SNX13: variants seen among roughly 807,000 people sequenced by gnomAD.
SNX13 encodes sorting nexin-13.
SNX13 carries 45 observed loss-of-function variants against 133.6 expected under a neutral mutation model. The observed-to-expected ratio is 0.34, with a 90% CI of 0.27 to 0.43. The LOEUF is 0.43. Ranked by LOEUF, SNX13 falls within the 20% of genes least tolerant of loss-of-function variation. SNX13 has a pLI of 1.00. For missense variants in SNX13, 1,032 were observed against 1,145.1 expected (o/e 0.90, Z 1.43); for synonymous variants, 414 against 373.9 (o/e 1.11, Z -1.24).
chr7:17,900,082 T>C (rs1231598833), intron 1 of SNX13: 1 of 152,222 alleles, frequency 6.6e-6, no homozygotes, highest in Non-Finnish European at 1.5e-5. Context: ...TGGTATTGCC[T>C]TTATGGTCCT....
chr7:17,912,207 G>A (rs1278942002), intron 1 of SNX13, among the ~76,000 whole-genome samples: 1 of 152,174 alleles, frequency 6.6e-6, no homozygotes, highest in African/African-American at 2.4e-5. Flanking sequence ...AGAAAAGTAA[G>A]TGAAGCTCCA....
intron 9 of SNX13, among the ~76,000 whole-genome samples, chr7:17,854,352 T>C (rs1791623437): frequency 6.6e-6 from 1 of 152,176 alleles, no homozygotes; most frequent in Admixed American, 6.5e-5. Context: ...ACCACTAAAA[T>C]AATAATGGTT....
chr7:17,803,605 C>A, intron 20 of SNX13, 25 bp from the exon 21 acceptor site: 2 of 1,575,934 alleles, frequency 1.3e-6, no homozygotes, highest in South Asian at 2.4e-5. Context: ...GATATTATAC[C>A]ATGACTTTAT....
chr7:17,796,665 G>A lies in SNX13; in HGVS notation c.2626+162C>T, dbSNP rs115601835. Reference sequence around the variant, plus strand: ...GCTTTACAGTACTGTCATGAGGACTGATTAAGAACATATGAGAAATGCCTA... The same window carrying A: ...GCTTTACAGTACTGTCATGAGGACTAATTAAGAACATATGAGAAATGCCTA... On this transcript the variant is annotated intron_variant, in intron 25 of 25. Transcript: ENST00000428135. The A allele has an allele frequency of 2.2e-3, 1,324 of 606,180 alleles. 16 individuals carry two copies. Among genetic ancestry groups the A allele is most frequent in the African/African-American group, 0.021 (1,124 of 53,980 alleles). The allele number at this position is 606,180 out of a possible 1,614,324, so 37.6% of individuals were successfully genotyped here.
At chr7:17,824,134 C>T (rs774073274) in intron 17 of SNX13, among the ~76,000 whole-genome samples, 3 of 151,982 alleles carry the variant, frequency 2.0e-5, no homozygotes, top group Non-Finnish European at 2.9e-5. Flanking sequence ...CAATGTTACT[C>T]ATAGCAGGCG....
intron 5 of SNX13, chr7:17,888,752 T>C (rs1335060871): frequency 8.5e-6 from 4 of 470,534 alleles, no homozygotes; most frequent in African/African-American, 2.0e-5. Context: ...CCCAAAATAT[T>C]AGTTGAATAA....
chr7:17,817,605 G>GT, intron 18 of SNX13, among the ~76,000 whole-genome samples: 1 of 152,244 alleles, frequency 6.6e-6, no homozygotes. Context: ...GGTAAAAGCA[G>GT]TTTTTTACTC....
At chr7:17,822,185 C>A (rs1456136046) in intron 17 of SNX13, among the ~76,000 whole-genome samples, 1 of 151,764 alleles carries the variant, frequency 6.6e-6, no homozygotes, top group Admixed American at 6.6e-5. Flanking sequence ...TTCACAAGTG[C>A]GGTTTATTCT....
At chr7:17,849,751 G>A (rs1043313867) in intron 11 of SNX13, among the ~76,000 whole-genome samples, 1 of 152,106 alleles carries the variant, frequency 6.6e-6, no homozygotes, top group Non-Finnish European at 1.5e-5. Context: ...TCTCATGACT[G>A]CCTCTAAGAT....
intron 10 of SNX13, among the ~76,000 whole-genome samples, 162 bp downstream of exon 10, chr7:17,850,664 T>C (rs1791096117): frequency 6.6e-6 from 1 of 152,216 alleles, no homozygotes; most frequent in South Asian, 2.1e-4. Context: ...ATTCTGAAAA[T>C]AATGCTTTTA....
intron 9 of SNX13, among the ~76,000 whole-genome samples, chr7:17,865,333 T>C (rs924916943): frequency 2.0e-5 from 3 of 152,168 alleles, no homozygotes; most frequent in East Asian, 1.9e-4. Context: ...CAAAAATCAA[T>C]AGTGTTTCTA....
chr7:17,932,691 G>A (rs1455203794), intron 1 of SNX13, among the ~76,000 whole-genome samples: 1 of 152,148 alleles, frequency 6.6e-6, no homozygotes, highest in Non-Finnish European at 1.5e-5. Flanking sequence ...GGAACAGCAG[G>A]ATCAAGTACT....
intron 19 of SNX13, among the ~76,000 whole-genome samples, chr7:17,815,893 C>T (rs1786600612): frequency 6.6e-6 from 1 of 151,972 alleles, no homozygotes; most frequent in Non-Finnish European, 1.5e-5. Flanking sequence ...AAAAAAAATT[C>T]AAATGTTTGA....
intron 2 of SNX13, among the ~76,000 whole-genome samples, chr7:17,894,363 G>C (rs1307930221): frequency 6.6e-6 from 1 of 151,634 alleles, no homozygotes; most frequent in African/African-American, 2.4e-5. Flanking sequence ...CATGGATAAA[G>C]ACAAATGAAT....
chr7:17,923,836 G>C (rs1197375981), intron 1 of SNX13, among the ~76,000 whole-genome samples: 2 of 152,104 alleles, frequency 1.3e-5, no homozygotes, highest in Non-Finnish European at 2.9e-5. Context: ...AAGTACACTG[G>C]TTGTTGTTAA....
At chr7:17,882,326 A>T (rs541796721) in intron 5 of SNX13, 1 of 152,218 alleles carries the variant, frequency 6.6e-6, no homozygotes, top group South Asian at 2.1e-4. Context: ...CTTAAAAAAA[A>T]TCAAACTCAT....
intron 20 of SNX13, among the ~76,000 whole-genome samples, chr7:17,810,209 T>C (rs550059494): frequency 1.1e-3 from 172 of 152,010 alleles, no homozygotes; most frequent in Non-Finnish European, 1.6e-3. Context: ...ATCAACAAGA[T>C]AGATACAGGA....
chr7:17,816,127 C>T (rs1786629280), intron 19 of SNX13, 55 bp downstream of exon 19: 7 of 1,465,946 alleles, frequency 4.8e-6, no homozygotes, highest in Non-Finnish European at 4.5e-6. Context: ...AAACATTCTA[C>T]ACCTGTGTGC....
In SNX13 at chr7:17,826,050, T is replaced by A; in HGVS notation, c.1677A>T (p.Val559=). Residue 559 remains valine, a synonymous_variant, in exon 17 of 26, where the codon GTA becomes GTT. Transcript: ENST00000428135. ...TGTCTGAAATGTAGGCATGAAGTTGTACTGAGTCATCAGAAGAAACATTTG... is the reference window on the plus strand; with the variant it reads ...TGTCTGAAATGTAGGCATGAAGTTGAACTGAGTCATCAGAAGAAACATTTG... ...DLSNVSSDDS[V]QLHAYISDTG... 1 of 1,561,140 alleles carries A rather than the reference T, an allele frequency of 6.4e-7. No homozygotes were observed. The highest frequency in any genetic ancestry group is 8.7e-7 in the Non-Finnish European group (1 of 1,151,270).
Sources: allele counts gnomAD v4.1 joint callset (sites outside exome capture counted in the v4.1 genomes callset), GRCh38; gene constraint gnomAD v4.1.1; transcripts MANE v1.5; gene names NCBI Gene and HGNC (gene_info 2026-07-23, HGNC 2026-07-21).